ZFAND3: variants seen among roughly 807,000 people sequenced by gnomAD.
The protein encoded by ZFAND3 is AN1-type zinc finger protein 3.
A neutral mutation model predicts 29.6 loss-of-function variants in ZFAND3; 10 were observed. The ratio of observed to expected loss-of-function variants is 0.34; its 90% CI spans 0.21 to 0.57. The LOEUF is 0.57. Ranked by LOEUF, ZFAND3 falls within the 20% of genes least tolerant of loss-of-function variation. The pLI, the probability that ZFAND3 is intolerant of heterozygous loss-of-function variation, is 0.86. For missense variants in ZFAND3, 230 were observed against 304.5 expected (o/e 0.76, Z 1.82); for synonymous variants, 128 against 112.6 (o/e 1.14, Z -0.87).
intron 1 of ZFAND3, among the ~76,000 whole-genome samples, chr6:37,867,095 G>A (rs192112897): frequency 2.0e-5 from 3 of 152,158 alleles, no homozygotes; most frequent in Admixed American, 1.3e-4. Flanking sequence ...GCCTATAGGC[G>A]GTTGAGTGGC....
intron 2 of ZFAND3, among the ~76,000 whole-genome samples, chr6:37,985,531 C>CCCCCCCA (rs755627119): frequency 1.5e-4 from 16 of 109,028 alleles, no homozygotes; most frequent in Non-Finnish European, 2.7e-4. Context: ...ACACACACCC[C>CCCCCCCA]CACACACGCC....
At chr6:38,065,553 C>T (rs1764330255) in intron 3 of ZFAND3, among the ~76,000 whole-genome samples, 1 of 152,186 alleles carries the variant, frequency 6.6e-6, no homozygotes, top group African/African-American at 2.4e-5. Flanking sequence ...GATGCGGTAA[C>T]ATTTAATTTT....
At chr6:37,890,370 A>G (rs910495317) in intron 1 of ZFAND3, among the ~76,000 whole-genome samples, 5 of 152,212 alleles carry the variant, frequency 3.3e-5, no homozygotes, top group African/African-American at 1.2e-4. Context: ...GGGTCTCAAT[A>G]GAGAGATTGC....
At chr6:38,015,542 C>G (rs1338470969) in intron 2 of ZFAND3, among the ~76,000 whole-genome samples, 1 of 152,112 alleles carries the variant, frequency 6.6e-6, no homozygotes, top group African/African-American at 2.4e-5. Flanking sequence ...AGAAACAAGC[C>G]AACTCTCCAG....
intron 5 of ZFAND3, among the ~76,000 whole-genome samples, chr6:38,146,150 T>G (rs1410246679): frequency 1.4e-5 from 2 of 139,146 alleles, no homozygotes; most frequent in African/African-American, 5.5e-5. Context: ...CTTCTTCCAT[T>G]CCTGTTCCAT....
intron 5 of ZFAND3, among the ~76,000 whole-genome samples, chr6:38,148,399 T>C (rs368578076): frequency 6.6e-6 from 1 of 152,342 alleles, no homozygotes; most frequent in South Asian, 2.1e-4. Context: ...TTCTGTGTAC[T>C]CAGTGTTTTC....
intron 4 of ZFAND3, among the ~76,000 whole-genome samples, chr6:38,102,764 T>G (rs1331052578): frequency 6.6e-6 from 1 of 152,148 alleles, no homozygotes; most frequent in African/African-American, 2.4e-5. Flanking sequence ...AACTTTTTTG[T>G]TTGTTTTTTT....
intron 1 of ZFAND3, among the ~76,000 whole-genome samples, chr6:37,870,861 TATG>T (rs1249296988): frequency 1.3e-5 from 2 of 152,170 alleles, no homozygotes; most frequent in Admixed American, 6.5e-5. Context: ...CAGTAATTCT[TATG>T]ATTGTTTTCT....
chr6:37,991,234 C>G (rs1184141588), intron 2 of ZFAND3, among the ~76,000 whole-genome samples: 1 of 152,022 alleles, frequency 6.6e-6, no homozygotes, highest in Non-Finnish European at 1.5e-5. Flanking sequence ...CAGGCATTTT[C>G]CCTCTGTGTG....
chr6:37,913,630 AG>A (rs1307439742), intron 1 of ZFAND3, among the ~76,000 whole-genome samples: 1 of 151,982 alleles, frequency 6.6e-6, no homozygotes, highest in Non-Finnish European at 1.5e-5. Flanking sequence ...GATGTTCTTA[AG>A]GGCAACTAGA....
intron 2 of ZFAND3, among the ~76,000 whole-genome samples, chr6:37,995,440 T>C (rs1455602803): frequency 6.6e-6 from 1 of 152,182 alleles, no homozygotes; most frequent in Non-Finnish European, 1.5e-5. Context: ...TGGGTTTCTA[T>C]TAATGAAAGG....
chr6:38,095,890 A>G (rs1764967424), intron 4 of ZFAND3, among the ~76,000 whole-genome samples: 1 of 151,976 alleles, frequency 6.6e-6, no homozygotes, highest in Non-Finnish European at 1.5e-5. Context: ...AAAATTAGCC[A>G]GGCATAGTGG....
intron 2 of ZFAND3, among the ~76,000 whole-genome samples, chr6:38,039,866 T>C (rs1224469682): frequency 6.6e-6 from 1 of 152,174 alleles, no homozygotes; most frequent in Non-Finnish European, 1.5e-5. Context: ...ACCAAGTGGT[T>C]ATTAGGCATG....
At chr6:37,850,478 G>T (rs749879843) in intron 1 of ZFAND3, among the ~76,000 whole-genome samples, 26 of 152,196 alleles carry the variant, frequency 1.7e-4, no homozygotes, top group Non-Finnish European at 3.1e-4. Context: ...GTCAGTGACA[G>T]ACCACAAATA....
chr6:37,862,997 G>C lies in ZFAND3; in HGVS notation c.71+42981G>C, dbSNP rs537691842. On this transcript the variant is annotated intron_variant, in intron 1 of 5. Transcript: ENST00000287218. ...ACCCAGCCTCCCCTTGGCTTGCTCA[G>C]CTACTCACCCAAATCCATCAGAAGG... 2.6e-5 allele frequency among the ~76,000 whole-genome samples: 4 copies of C among 151,812 alleles called. No homozygotes were observed. The South Asian group carries it at 8.3e-4, about 32-fold the overall frequency.
Position 37,897,117 on chromosome 6 carries a change from G to T in ZFAND3, c.72-32842G>T, listed in dbSNP as rs145912842. On this transcript the variant is annotated intron_variant, in intron 1 of 5. Transcript: ENST00000287218. ...TACATGTATATTTCTATCTATATAT[G>T]TCTATATTTGTGTAATCAACAGCTA... 9.7e-3 allele frequency among the ~76,000 whole-genome samples: 1,483 copies of T among 152,138 alleles called. 13 individuals are homozygous for T. Among genetic ancestry groups the T allele is most frequent in the Non-Finnish European group, 0.014 (982 of 67,990 alleles).
chr6:38,038,254 A>G (rs1437788431), intron 2 of ZFAND3, among the ~76,000 whole-genome samples: 1 of 152,212 alleles, frequency 6.6e-6, no homozygotes, highest in Non-Finnish European at 1.5e-5. Context: ...ACCCTCTAGC[A>G]TGTTGACGAT....
intron 2 of ZFAND3, among the ~76,000 whole-genome samples, chr6:38,046,592 A>G (rs1213446837): frequency 6.6e-6 from 1 of 152,188 alleles, no homozygotes; most frequent in African/African-American, 2.4e-5. Flanking sequence ...TCTCTGTTTG[A>G]TAGGGAGCTA....
At chr6:37,839,496 T>G (rs1474993108) in intron 1 of ZFAND3, among the ~76,000 whole-genome samples, 2 of 146,536 alleles carry the variant, frequency 1.4e-5, no homozygotes, top group Admixed American at 6.8e-5. Flanking sequence ...ATTTTTTTAT[T>G]TTTTATTTTT....
Sources: gnomAD v4.1 joint callset for allele counts (sites outside exome capture counted in the v4.1 genomes callset) on GRCh38, gnomAD v4.1.1 for gene constraint, MANE v1.5 for transcripts, NCBI Gene and HGNC (gene_info 2026-07-23, HGNC 2026-07-21) for gene names.